Variants in SMARCC1 observed in about 807,000 individuals in gnomAD.
SMARCC1 encodes the protein SWI/SNF related BAF chromatin remodeling complex subunit C1.
In SMARCC1, 43 loss-of-function variants were observed where a neutral mutation model predicts 147.4. That is an observed-to-expected ratio of 0.29 (90% CI 0.23 to 0.38). The LOEUF (loss-of-function observed/expected upper bound fraction) is 0.38, where lower values mean the gene tolerates loss of function less well. Ranked by LOEUF, SMARCC1 falls within the 10% of genes least tolerant of loss-of-function variation. The pLI is 1.00. For missense variants in SMARCC1, 1,119 were observed against 1,381.1 expected (o/e 0.81, Z 3.01); for synonymous variants, 495 against 484.4 (o/e 1.02, Z -0.29).
intron 9 of SMARCC1, 118 bp downstream of exon 9, chr3:47,710,565 T>C (rs2034072727): frequency 1.0e-6 from 1 of 971,716 alleles, no homozygotes; most frequent in African/African-American, 1.7e-5. Flanking sequence ...ACATCAGCCA[T>C]CAGGCAGATG....
At chr3:47,627,706 A>C (rs1045418557) in intron 24 of SMARCC1, among the ~76,000 whole-genome samples, 3 of 152,146 alleles carry the variant, frequency 2.0e-5, no homozygotes, top group Non-Finnish European at 4.4e-5. Context: ...TCTACTAGAC[A>C]TGAGGGCCTC....
At chr3:47,754,423 G>A (rs758264616) in intron 2 of SMARCC1, among the ~76,000 whole-genome samples, 1 of 151,964 alleles carries the variant, frequency 6.6e-6, no homozygotes, top group Non-Finnish European at 1.5e-5. Flanking sequence ...GGATGGTCTC[G>A]ATCTCTTGAC....
chr3:47,742,092 T>A (rs1164084957), intron 3 of SMARCC1, among the ~76,000 whole-genome samples: 1 of 152,178 alleles, frequency 6.6e-6, no homozygotes. Flanking sequence ...TTGCTTCTGA[T>A]GCCCTTTTAC....
chr3:47,765,599 T>C (rs1012737115), intron 2 of SMARCC1, among the ~76,000 whole-genome samples: 3 of 152,168 alleles, frequency 2.0e-5, no homozygotes, highest in African/African-American at 7.2e-5. Context: ...ACTTCAAATA[T>C]ATATACAACA....
chr3:47,657,090 T>C (rs958002767), intron 21 of SMARCC1, among the ~76,000 whole-genome samples: 1 of 152,096 alleles, frequency 6.6e-6, no homozygotes, highest in Admixed American at 6.6e-5. Context: ...ATTATAAACA[T>C]ATAAGCAACA....
At chr3:47,677,604 T>C (rs1354784674) in intron 16 of SMARCC1, among the ~76,000 whole-genome samples, 2 of 151,804 alleles carry the variant, frequency 1.3e-5, no homozygotes, top group African/African-American at 4.8e-5. Context: ...CAGGCTGGAA[T>C]GCAGTGGGAC....
chr3:47,726,676 G>T (rs2034303931), intron 6 of SMARCC1, among the ~76,000 whole-genome samples: 1 of 152,186 alleles, frequency 6.6e-6, no homozygotes, highest in Non-Finnish European at 1.5e-5. Flanking sequence ...AGCACATGCT[G>T]TAACATGAAT....
At chr3:47,613,602 C>T (rs554820962) in intron 25 of SMARCC1, among the ~76,000 whole-genome samples, 1 of 152,024 alleles carries the variant, frequency 6.6e-6, no homozygotes, top group Non-Finnish European at 1.5e-5. Context: ...TCAGGTGATC[C>T]GCCCGCCTCA....
intron 7 of SMARCC1, 106 bp from the exon 8 acceptor site, chr3:47,714,596 C>T (rs1487579655): frequency 6.3e-6 from 4 of 639,066 alleles, no homozygotes; most frequent in African/African-American, 3.8e-5. Flanking sequence ...ACTAAAATCC[C>T]AGCCTGGTCA....
chr3:47,753,186 G>A (rs754069825), intron 2 of SMARCC1, among the ~76,000 whole-genome samples: 4 of 151,780 alleles, frequency 2.6e-5, no homozygotes, highest in African/African-American at 7.3e-5. Context: ...TTAGTCGGAC[G>A]TGGTGGGACA....
chr3:47,593,811 G>A (rs1323337179), intron 26 of SMARCC1, among the ~76,000 whole-genome samples: 1 of 152,154 alleles, frequency 6.6e-6, no homozygotes, highest in Non-Finnish European at 1.5e-5. Context: ...CTAAGAACCT[G>A]AGAGAGGAGC....
intron 26 of SMARCC1, chr3:47,604,218 G>A (rs1318310138): frequency 4.4e-6 from 2 of 456,784 alleles, no homozygotes; most frequent in Admixed American, 4.7e-5. Flanking sequence ...CTAACTGATG[G>A]AGAGTTTTGT....
chr3:47,740,331 G>T (rs2034495767), intron 3 of SMARCC1, among the ~76,000 whole-genome samples: 1 of 151,490 alleles, frequency 6.6e-6, no homozygotes, highest in South Asian at 2.1e-4. Context: ...GAGTAGCTGG[G>T]ATTACAGGCA....
At chr3:47,689,446 T>G in intron 12 of SMARCC1, 22 bp from the exon 13 acceptor site, 1 of 1,605,472 alleles carries the variant, frequency 6.2e-7, no homozygotes, top group Non-Finnish European at 8.5e-7. Context: ...AAACACACAA[T>G]TCATTTTAAA....
intron 2 of SMARCC1, among the ~76,000 whole-genome samples, chr3:47,750,830 G>A (rs1576430662): frequency 6.6e-6 from 1 of 151,866 alleles, no homozygotes. Context: ...TATAAATAAG[G>A]TCAATTTCTC....
intron 24 of SMARCC1, among the ~76,000 whole-genome samples, chr3:47,629,867 G>A (rs931297057): frequency 1.6e-4 from 24 of 151,850 alleles, no homozygotes; most frequent in African/African-American, 4.1e-4. Flanking sequence ...GGTTTTAAAC[G>A]ACTAACTTCA....
At chr3:47,731,203 G>A (rs1405933293) in intron 5 of SMARCC1, among the ~76,000 whole-genome samples, 2 of 152,156 alleles carry the variant, frequency 1.3e-5, no homozygotes, top group Admixed American at 6.6e-5. Flanking sequence ...ACTGTGCCAG[G>A]AGTAGATTCC....
At chr3:47,643,091 T>A (rs1183083338) in intron 21 of SMARCC1, among the ~76,000 whole-genome samples, 1 of 152,208 alleles carries the variant, frequency 6.6e-6, no homozygotes, top group Non-Finnish European at 1.5e-5. Flanking sequence ...AAAATGTTGT[T>A]ACTCGTAGAA....
At chr3:47,688,058 G>A (rs565336663) in intron 13 of SMARCC1, among the ~76,000 whole-genome samples, 3 of 152,168 alleles carry the variant, frequency 2.0e-5, no homozygotes, top group East Asian at 1.9e-4. Flanking sequence ...TCGGGAGTTC[G>A]AGACCAGCCT....
Sources: gnomAD v4.1 joint callset for allele counts (sites outside exome capture counted in the v4.1 genomes callset) on GRCh38, gnomAD v4.1.1 for gene constraint, MANE v1.5 for transcripts, NCBI Gene and HGNC (gene_info 2026-07-23, HGNC 2026-07-21) for gene names.